The following FHOD3 variants were observed in gnomAD, a reference collection of about 807,000 sequenced individuals.
FHOD3 encodes FH1/FH2 domain-containing protein 3.
A neutral mutation model predicts 173.0 loss-of-function variants in FHOD3; 90 were observed. The ratio of observed to expected loss-of-function variants is 0.52; its 90% CI spans 0.44 to 0.62. The LOEUF is 0.62. Among genes scored for constraint, FHOD3 ranks in the 20% least tolerant of loss-of-function variants. The probability of loss-of-function intolerance (pLI) is 0.00; values close to 1 mark genes in which losing one functional copy is unlikely to be tolerated. For missense variants in FHOD3, 1,945 were observed against 2,034.7 expected, an observed-to-expected ratio of 0.96 and a Z score of 0.85; for synonymous variants, 828 against 823.0, an observed-to-expected ratio of 1.01 and a Z score of -0.10.
At chr18:36,460,405 T>C (rs1330922487) in intron 3 of FHOD3, among the ~76,000 whole-genome samples, 1 of 152,224 alleles carries the variant, frequency 6.6e-6, no homozygotes, top group African/African-American at 2.4e-5. Context: ...CAGATTGTAA[T>C]CTAATGCTAT....
intron 7 of FHOD3, among the ~76,000 whole-genome samples, chr18:36,600,858 G>A (rs574046536): frequency 4.6e-5 from 7 of 152,168 alleles, no homozygotes; most frequent in Non-Finnish European, 8.8e-5. Context: ...TCTTAGTTTC[G>A]ATACTTTCTC....
intron 13 of FHOD3, among the ~76,000 whole-genome samples, chr18:36,656,104 G>C (rs566248528): frequency 2.0e-4 from 31 of 152,344 alleles, no homozygotes; most frequent in African/African-American, 6.5e-4. Flanking sequence ...GTCACGGAGA[G>C]TGCTAGGTGT....
Position 36,722,941 on chromosome 18 carries a change from A to G in FHOD3, c.3417+4226A>G, listed in dbSNP as rs558416380. ...TTCAGGACATAATAAGTTATTTAAC[A>G]TTCCCCTCAGAAACCTGAATTCTAC... On this transcript the variant is annotated intron_variant, in intron 19 of 28. Transcript: ENST00000590592. 1.8e-4 allele frequency among the ~76,000 whole-genome samples: 28 copies of G among 152,338 alleles called. No individual in the cohort carries two copies. The South Asian group carries it at 5.6e-3, about 30-fold the overall frequency.
At chr18:36,326,200 T>C (rs929655749) in intron 1 of FHOD3, among the ~76,000 whole-genome samples, 1 of 152,192 alleles carries the variant, frequency 6.6e-6, no homozygotes, top group African/African-American at 2.4e-5. Flanking sequence ...CAAGAAACCA[T>C]TGAGTTTATG....
intron 10 of FHOD3, among the ~76,000 whole-genome samples, chr18:36,632,823 T>G (rs551552422): frequency 6.6e-6 from 1 of 152,296 alleles, no homozygotes; most frequent in Non-Finnish European, 1.5e-5. Context: ...AAGGAAAGAA[T>G]TTGTCTGAGG....
At position 36,645,328 on chromosome 18, in the gene FHOD3, G is replaced by A. The variant is rs1253030678; in HGVS notation, c.1197-3988G>A. Among the ~76,000 whole-genome samples the A allele has an allele frequency of 2.6e-5, 4 of 152,276 alleles. No individual in the cohort carries two copies. In the South Asian group the frequency reaches 6.2e-4, roughly 24 times the overall value. On this transcript the variant is annotated intron_variant, in intron 10 of 28. Coordinates refer to ENST00000590592, the MANE Select transcript of FHOD3 (RefSeq NM_001281740.3). Reference sequence around the variant, plus strand: ...CCAGCTATTCGGAAGGCTGAGGCACGAGAATCACTTGAACTCAGGAATCAG... The same window carrying A: ...CCAGCTATTCGGAAGGCTGAGGCACAAGAATCACTTGAACTCAGGAATCAG...
chr18:36,749,904 G>A (rs1458970553), intron 24 of FHOD3, among the ~76,000 whole-genome samples: 1 of 150,432 alleles, frequency 6.6e-6, no homozygotes, highest in Non-Finnish European at 1.5e-5. Flanking sequence ...ATCTCATTGT[G>A]GTTTAGATTT....
chr18:36,380,834 A>G (rs1226329394), intron 3 of FHOD3, among the ~76,000 whole-genome samples: 1 of 152,116 alleles, frequency 6.6e-6, no homozygotes, highest in Non-Finnish European at 1.5e-5. Flanking sequence ...CATGAGCCCC[A>G]TTCACTGACT....
At chr18:36,475,974 A>G (rs1055975412) in intron 3 of FHOD3, among the ~76,000 whole-genome samples, 2 of 152,236 alleles carry the variant, frequency 1.3e-5, no homozygotes, top group Non-Finnish European at 2.9e-5. Flanking sequence ...ATTACTAGGT[A>G]TTTTAGGAAA....
At chr18:36,442,836 A>G (rs541109410) in intron 3 of FHOD3, among the ~76,000 whole-genome samples, 1 of 152,350 alleles carries the variant, frequency 6.6e-6, no homozygotes, top group East Asian at 1.9e-4. Context: ...TTCAGTATCC[A>G]ATCCAGGATC....
At chr18:36,637,331 T>C (rs1309635713) in intron 10 of FHOD3, among the ~76,000 whole-genome samples, 3 of 152,168 alleles carry the variant, frequency 2.0e-5, no homozygotes, top group African/African-American at 7.2e-5. Context: ...TGAGACAGAG[T>C]CTTGCTCTGT....
intron 3 of FHOD3, among the ~76,000 whole-genome samples, chr18:36,419,035 A>C (rs1448764060): frequency 6.6e-6 from 1 of 152,070 alleles, no homozygotes; most frequent in East Asian, 1.9e-4. Context: ...AGAGTAAAAA[A>C]CGTGTATGGT....
chr18:36,712,837 A>G (rs961193555), intron 18 of FHOD3, among the ~76,000 whole-genome samples: 1 of 142,390 alleles, frequency 7.0e-6, no homozygotes, highest in African/African-American at 2.8e-5. Context: ...TATGAAAACT[A>G]AAGACCAAAA....
intron 3 of FHOD3, among the ~76,000 whole-genome samples, chr18:36,485,983 C>G (rs559446284): frequency 6.6e-5 from 10 of 152,300 alleles, no homozygotes; most frequent in Admixed American, 2.6e-4. Flanking sequence ...TAGGGCCCTC[C>G]TCTGTTCCAT....
At chr18:36,527,696 G>A (rs754264089) in intron 5 of FHOD3, among the ~76,000 whole-genome samples, 2 of 152,160 alleles carry the variant, frequency 1.3e-5, no homozygotes, top group African/African-American at 2.4e-5. Context: ...GGGGAGGTTC[G>A]TGAACCTGGC....
At chr18:36,745,494 T>G (rs1376842914) in intron 23 of FHOD3, among the ~76,000 whole-genome samples, 1 of 152,216 alleles carries the variant, frequency 6.6e-6, no homozygotes, top group Non-Finnish European at 1.5e-5. Flanking sequence ...ACTGCGTGTC[T>G]TTATCCTGTT....
chr18:36,432,602 C>G (rs2050611298), intron 3 of FHOD3, among the ~76,000 whole-genome samples: 1 of 152,104 alleles, frequency 6.6e-6, no homozygotes. Flanking sequence ...CCAGTTCTGC[C>G]CATTCTTCTC....
intron 6 of FHOD3, among the ~76,000 whole-genome samples, chr18:36,578,493 A>G (rs184970058): frequency 7.9e-5 from 12 of 152,282 alleles, no homozygotes; most frequent in Non-Finnish European, 1.5e-4. Flanking sequence ...GAACCAAACC[A>G]TATCACATGT....
At chr18:36,655,428 G>A (rs1053447168) in intron 13 of FHOD3, among the ~76,000 whole-genome samples, 1 of 152,108 alleles carries the variant, frequency 6.6e-6, no homozygotes, top group African/African-American at 2.4e-5. Flanking sequence ...TTATAGTCGT[G>A]GGGGTGGGAG....
Sources: allele counts gnomAD v4.1 joint callset (sites outside exome capture counted in the v4.1 genomes callset), GRCh38; gene constraint gnomAD v4.1.1; transcripts MANE v1.5; gene names NCBI Gene and HGNC (gene_info 2026-07-23, HGNC 2026-07-21).